PCDHGB2: variants seen among roughly 807,000 people sequenced by gnomAD.
PCDHGB2 encodes protocadherin gamma-B2.
PCDHGB2 carries 55 observed loss-of-function variants against 59.3 expected under a neutral mutation model. The ratio of observed to expected loss-of-function variants is 0.93; its 90% CI spans 0.75 to 1.16. The LOEUF is 1.16. Ranked by LOEUF, PCDHGB2 falls within the 50% of genes most tolerant of loss-of-function variation. PCDHGB2 has a pLI of 0.00. For missense variants in PCDHGB2, 1,228 were observed against 1,198.5 expected (o/e 1.02, Z -0.36); for synonymous variants, 516 against 512.0 (o/e 1.01, Z -0.11).
At chr5:141,507,450 CAG>C (rs940460926) in intron 3 of PCDHGB2, among the ~76,000 whole-genome samples, 3 of 152,168 alleles carry the variant, frequency 2.0e-5, no homozygotes, top group African/African-American at 7.2e-5. Flanking sequence ...GACGGAAGGA[CAG>C]AGAGAGAGGT....
In PCDHGB2 at chr5:141,490,794, C is replaced by G. The variant is rs763933771; in HGVS notation, c.2422-4013C>G. The G allele has an allele frequency of 5.0e-6, 8 of 1,613,976 alleles. No individual in the cohort carries two copies. In the South Asian group the frequency reaches 7.7e-5, roughly 16 times the overall value. ...ACCCAGAGGATGGACGGATCTTTGCCCAGCGTACCTTTGACTATGAATTGC... is the reference window on the plus strand; with the variant it reads ...ACCCAGAGGATGGACGGATCTTTGCGCAGCGTACCTTTGACTATGAATTGC... On this transcript the variant is annotated intron_variant, in intron 1 of 3. Transcript: ENST00000522605. The surrounding 1 kb of genome is among the most constrained non-coding windows in gnomAD (Gnocchi z 5.4).
In PCDHGB2 at chr5:141,423,758, G is replaced by T. The variant is rs1192987646; in HGVS notation, c.2421+61202G>T. Reference sequence around the variant, plus strand: ...CTGTTATGAAAACTGTTTGGGGGGGGGGTGGGGCGGCATATATTTAGTTCA... The same window carrying T: ...CTGTTATGAAAACTGTTTGGGGGGGTGGTGGGGCGGCATATATTTAGTTCA... On this transcript the variant is annotated intron_variant, in intron 1 of 3. Transcript: ENST00000522605. 1.4e-4 allele frequency: 53 copies of T among 366,832 alleles called. 6 individuals carry two copies. The highest frequency in any genetic ancestry group is 3.4e-4 in the South Asian group (4 of 11,762). 22.7% of individuals were successfully genotyped at this position (366,832 alleles called of 1,614,324 possible).
intron 1 of PCDHGB2, among the ~76,000 whole-genome samples, chr5:141,471,791 A>C (rs904614629): frequency 1.3e-5 from 2 of 152,238 alleles, no homozygotes; most frequent in Admixed American, 1.3e-4. Context: ...ATGCTATGTC[A>C]TATAAAAGAC....
In PCDHGB2 at chr5:141,477,880, C is replaced by T. The variant is rs763789849; in HGVS notation, c.2422-16927C>T. 10 of 1,614,058 alleles carry T rather than the reference C, an allele frequency of 6.2e-6. No homozygotes were observed. The African/African-American group carries it at 1.2e-4, about 19-fold the overall frequency. ...TGCCTCGAGGTACCTCAGCTGGCCA[C>T]CTAGTGTCACGGGTGGTAGGCTGGG... is the stretch of plus-strand genomic sequence containing the variant. On this transcript the variant is annotated intron_variant, in intron 1 of 3. Transcript: ENST00000522605. The surrounding 1 kb of genome is among the most constrained non-coding windows in gnomAD (Gnocchi z 4.9).
At chr5:141,458,615 G>A (rs2098949624) in intron 1 of PCDHGB2, among the ~76,000 whole-genome samples, 1 of 152,088 alleles carries the variant, frequency 6.6e-6, no homozygotes, top group Admixed American at 6.6e-5. Flanking sequence ...TGTCAGCCAG[G>A]CTGGAGTGCA....
chr5:141,453,545 A>T (rs2098768582), intron 1 of PCDHGB2, among the ~76,000 whole-genome samples: 1 of 151,998 alleles, frequency 6.6e-6, no homozygotes, highest in African/African-American at 2.4e-5. Flanking sequence ...TTCACACCAC[A>T]CTCTGTAGAT....
chr5:141,443,317 C>CAAA (rs35054295), intron 1 of PCDHGB2, among the ~76,000 whole-genome samples: 8 of 142,020 alleles, frequency 5.6e-5, no homozygotes, highest in African/African-American at 2.1e-4. Context: ...CCCATCTCTA[C>CAAA]AAAAAAAAAA....
At position 141,393,626 on chromosome 5, in the gene PCDHGB2, G is replaced by C. The variant is rs2092811511; in HGVS notation, c.2421+31070G>C. ...CTGTAACAGCCAGCGACCCGGATGA[G>C]GGAATCAACGGAAAAGTGGCATACA... On this transcript the variant is annotated intron_variant, in intron 1 of 3. Coordinates refer to ENST00000522605, the MANE Select transcript of PCDHGB2 (RefSeq NM_018923.3). 10 of 1,613,922 alleles carry C rather than the reference G, an allele frequency of 6.2e-6. No individual in the cohort carries two copies. The highest frequency in any genetic ancestry group is 8.5e-6 in the Non-Finnish European group (10 of 1,179,904).
rs755163825 is a variant in PCDHGB2, at chr5:141,491,048, C to A, written c.2422-3759C>A. 6.2e-6 allele frequency: 10 copies of A among 1,613,948 alleles called. No individual in the cohort carries two copies. Among genetic ancestry groups the A allele is most frequent in the Non-Finnish European group, 7.6e-6 (9 of 1,179,960 alleles). ...GTGGATGCTGATGCAGGCCACAATG[C>A]GTGGCTCTCCTACTCACTGTTGCCA... On this transcript the variant is annotated intron_variant, in intron 1 of 3. Coordinates refer to ENST00000522605, the MANE Select transcript of PCDHGB2 (RefSeq NM_018923.3). The surrounding 1 kb of genome is among the most constrained non-coding windows in gnomAD (Gnocchi z 6.9).
chr5:141,499,253 T>C (rs1189676230), intron 2 of PCDHGB2, among the ~76,000 whole-genome samples: 1 of 152,030 alleles, frequency 6.6e-6, no homozygotes, highest in Non-Finnish European at 1.5e-5. Context: ...ACAAAGAGTC[T>C]CCATTTGGTC....
chr5:141,366,101 G>A lies in PCDHGB2; in HGVS notation c.2421+3545G>A, dbSNP rs372607743. On this transcript the variant is annotated intron_variant, in intron 1 of 3. Coordinates refer to ENST00000522605, the MANE Select transcript of PCDHGB2 (RefSeq NM_018923.3). ...AGAACCTGGCTACCTGGTGACCAAG[G>A]TGGTAGCGGTGGACAAAGATTCAGG... 3.2e-5 allele frequency: 52 copies of A among 1,614,128 alleles called. No individual in the cohort carries two copies. Among genetic ancestry groups the A allele is most frequent in the Non-Finnish European group, 4.1e-5 (48 of 1,180,056 alleles).
At position 141,375,364 on chromosome 5, in the gene PCDHGB2, A is replaced by C. The variant is rs771379372; in HGVS notation, c.2421+12808A>C. ...ACATCACTGTGACAGCCACGGACAAAGGAACACCACCTCTGTCTACAGAAA... is the reference window on the plus strand; with the variant it reads ...ACATCACTGTGACAGCCACGGACAACGGAACACCACCTCTGTCTACAGAAA... On this transcript the variant is annotated intron_variant, in intron 1 of 3. Coordinates refer to ENST00000522605, the MANE Select transcript of PCDHGB2 (RefSeq NM_018923.3). 6.2e-7 allele frequency: 1 copy of C among 1,613,904 alleles called. No homozygotes were observed. Among genetic ancestry groups the C allele is most frequent in the Non-Finnish European group, 8.5e-7 (1 of 1,179,968 alleles).
intron 1 of PCDHGB2, chr5:141,374,770 G>C (rs750704696): frequency 1.2e-6 from 2 of 1,613,694 alleles, no homozygotes; most frequent in Non-Finnish European, 1.7e-6. Flanking sequence ...CCCAAATTCT[G>C]GTAACAGTTC....
chr5:141,454,974 A>AT (rs2098808620), intron 1 of PCDHGB2, among the ~76,000 whole-genome samples: 1 of 151,182 alleles, frequency 6.6e-6, no homozygotes, highest in African/African-American at 2.4e-5. Context: ...CGCCTGGCTA[A>AT]TTTTTTAAAA....
Position 141,486,793 on chromosome 5 carries a change from G to C in PCDHGB2, c.2422-8014G>C. ...AGTTTGAGGTGCAGGCCCGGGATCG[G>C]GGCAACCCACCCCTTAGCAGCACTG... is the stretch of plus-strand genomic sequence containing the variant. On this transcript the variant is annotated intron_variant, in intron 1 of 3. Transcript: ENST00000522605. This position sits in a 1 kb window ranked among gnomAD's most constrained non-coding sequence, Gnocchi z 5.0. 6.2e-7 allele frequency: 1 copy of C among 1,614,244 alleles called. No homozygotes were observed. Among genetic ancestry groups the C allele is most frequent in the Non-Finnish European group, 8.5e-7 (1 of 1,180,050 alleles).
Position 141,491,048 on chromosome 5 carries a change from C to T in PCDHGB2, c.2422-3759C>T, listed in dbSNP as rs755163825. The T allele has an allele frequency of 7.4e-6, 12 of 1,613,948 alleles. No individual in the cohort carries two copies. Among genetic ancestry groups the T allele is most frequent in the South Asian group, 4.4e-5 (4 of 91,090 alleles). ...GTGGATGCTGATGCAGGCCACAATG[C>T]GTGGCTCTCCTACTCACTGTTGCCA... On this transcript the variant is annotated intron_variant, in intron 1 of 3. Coordinates refer to ENST00000522605, the MANE Select transcript of PCDHGB2 (RefSeq NM_018923.3). The surrounding 1 kb of genome is among the most constrained non-coding windows in gnomAD (Gnocchi z 6.9).
intron 1 of PCDHGB2, chr5:141,384,761 TG>T (rs747704737): frequency 9.3e-6 from 15 of 1,613,968 alleles, no homozygotes; most frequent in Non-Finnish European, 1.3e-5. Flanking sequence ...GCGGTTGGGC[TG>T]TACACGGGCG....
At chr5:141,422,611 A>C in intron 1 of PCDHGB2, 3 of 1,613,762 alleles carry the variant, frequency 1.9e-6, no homozygotes, top group Non-Finnish European at 2.5e-6. Flanking sequence ...CTCTGCCTAC[A>C]TTCCCGAAAA....
At chr5:141,484,598 T>C (rs2099598059) in intron 1 of PCDHGB2, among the ~76,000 whole-genome samples, 1 of 152,080 alleles carries the variant, frequency 6.6e-6, no homozygotes, top group Non-Finnish European at 1.5e-5. Flanking sequence ...TCATTTAGAA[T>C]ACTGGTTGAT....
Sources: gnomAD v4.1 joint callset for allele counts (sites outside exome capture counted in the v4.1 genomes callset) on GRCh38, gnomAD v4.1.1 for gene constraint, Gnocchi (gnomAD v3.1) non-coding constraint, MANE v1.5 for transcripts, NCBI Gene and HGNC (gene_info 2026-07-23, HGNC 2026-07-21) for gene names.